TBC1D8: variants seen among roughly 807,000 people sequenced by gnomAD.
TBC1D8 encodes BUB2-like protein 1.
TBC1D8 carries 65 observed loss-of-function variants against 118.8 expected under a neutral mutation model. That is an observed-to-expected ratio of 0.55 (90% CI 0.45 to 0.67). The LOEUF (loss-of-function observed/expected upper bound fraction) is 0.67, where lower values mean the gene tolerates loss of function less well. TBC1D8 is among the 30% of genes least tolerant of loss of function. The pLI is 0.00. For synonymous variants in TBC1D8, 566 were observed against 595.8 expected, an observed-to-expected ratio of 0.95 and a Z score of 0.73; for missense variants, 1,376 against 1,471.2, an observed-to-expected ratio of 0.94 and a Z score of 1.06.
At chr2:101,023,437 C>T (rs746021498) in intron 15 of TBC1D8, among the ~76,000 whole-genome samples, 2 of 151,998 alleles carry the variant, frequency 1.3e-5, no homozygotes, top group African/African-American at 2.4e-5. Flanking sequence ...TGAGCCACTG[C>T]GACTGGCCCA....
At chr2:101,128,511 G>C (rs377558977) in intron 1 of TBC1D8, among the ~76,000 whole-genome samples, 2 of 152,162 alleles carry the variant, frequency 1.3e-5, no homozygotes, top group African/African-American at 4.8e-5. Context: ...GAGAGACAAA[G>C]AATCAGGTGC....
At chr2:101,081,083 A>G (rs546074843) in intron 2 of TBC1D8, among the ~76,000 whole-genome samples, 1 of 152,304 alleles carries the variant, frequency 6.6e-6, no homozygotes, top group African/African-American at 2.4e-5. Flanking sequence ...GCTATTCTCA[A>G]TTTTTTAAAA....
chr2:101,038,662 G>T lies in TBC1D8; in HGVS notation c.1081-7C>A. The T allele has an allele frequency of 6.2e-7, 1 of 1,613,588 alleles. No individual in the cohort carries two copies. The highest frequency in any genetic ancestry group is 8.5e-7 in the Non-Finnish European group (1 of 1,179,864). On this transcript the variant is annotated splice_region_variant and splice_polypyrimidine_tract_variant and intron_variant, in intron 6 of 19. Transcript: ENST00000409318. The stretch of plus-strand genomic sequence containing the variant: ...TCTTCTCGATGCTCACCACCTGCGC[G>T]AGAGGCAACATGCAGGGACAGAAGG...
chr2:101,053,073 G>C (rs1682171910), intron 4 of TBC1D8, among the ~76,000 whole-genome samples: 1 of 152,168 alleles, frequency 6.6e-6, no homozygotes, highest in Non-Finnish European at 1.5e-5. Flanking sequence ...TGACTTGCTG[G>C]GACCCAGCAT....
chr2:101,110,515 T>C (rs537572064), intron 1 of TBC1D8, among the ~76,000 whole-genome samples: 18 of 152,180 alleles, frequency 1.2e-4, no homozygotes, highest in African/African-American at 4.3e-4. Context: ...ACTGGAGTAA[T>C]AGAAGGACTT....
At chr2:101,059,211 C>CTTTTTTTT (rs142846099) in intron 3 of TBC1D8, among the ~76,000 whole-genome samples, 1 of 140,332 alleles carries the variant, frequency 7.1e-6, no homozygotes. Flanking sequence ...CCAGCCAAGT[C>CTTTTTTTT]TTTTTTTTTT....
At chr2:101,056,540 G>C (rs920830345) in intron 3 of TBC1D8, among the ~76,000 whole-genome samples, 4 of 152,210 alleles carry the variant, frequency 2.6e-5, no homozygotes, top group African/African-American at 9.7e-5. Flanking sequence ...GAAATTTCAA[G>C]TGATTTTTAT....
At chr2:101,033,428 G>T (rs767387477) in intron 10 of TBC1D8, 116 bp downstream of exon 10, 1 of 1,224,666 alleles carries the variant, frequency 8.2e-7, no homozygotes, top group South Asian at 1.3e-5. Context: ...CGAGTACAGC[G>T]CCTTCACACG....
chr2:101,078,879 T>C (rs1368990248), intron 2 of TBC1D8, among the ~76,000 whole-genome samples: 3 of 152,030 alleles, frequency 2.0e-5, no homozygotes, highest in East Asian at 1.9e-4. Context: ...TGAATTTCCT[T>C]ATTATTTTTT....
intron 15 of TBC1D8, among the ~76,000 whole-genome samples, chr2:101,025,082 A>G (rs1295426953): frequency 6.6e-6 from 1 of 152,084 alleles, no homozygotes; most frequent in Non-Finnish European, 1.5e-5. Context: ...AAAGAAAAGT[A>G]AGTGTGTGTG....
At chr2:101,085,118 T>A (rs1475982444) in intron 2 of TBC1D8, among the ~76,000 whole-genome samples, 2 of 152,114 alleles carry the variant, frequency 1.3e-5, no homozygotes, top group African/African-American at 4.8e-5. Context: ...CCCAAAGTGC[T>A]GGGATTACAG....
intron 1 of TBC1D8, among the ~76,000 whole-genome samples, chr2:101,099,411 A>G (rs1266396320): frequency 6.6e-6 from 1 of 152,212 alleles, no homozygotes; most frequent in Admixed American, 6.5e-5. Flanking sequence ...ATGGATTCAC[A>G]GCTGAATTCT....
At chr2:101,010,566 T>G (rs532325944) in intron 19 of TBC1D8, among the ~76,000 whole-genome samples, 3 of 152,100 alleles carry the variant, frequency 2.0e-5, no homozygotes, top group Non-Finnish European at 4.4e-5. Context: ...CCAAGCTTGA[T>G]TCTCAGATTA....
At chr2:101,032,211 G>T in intron 11 of TBC1D8, 57 bp downstream of exon 11, 2 of 1,486,304 alleles carry the variant, frequency 1.3e-6, no homozygotes, top group South Asian at 1.2e-5. Flanking sequence ...GAAACATCCT[G>T]CCCAGGCTCT....
intron 5 of TBC1D8, among the ~76,000 whole-genome samples, chr2:101,045,382 A>G (rs1210984307): frequency 6.6e-6 from 1 of 152,198 alleles, no homozygotes; most frequent in East Asian, 1.9e-4. Context: ...TGCTTTGGGA[A>G]GAACCCTGTC....
chr2:101,121,576 G>A (rs970451718), intron 1 of TBC1D8, among the ~76,000 whole-genome samples: 3 of 152,206 alleles, frequency 2.0e-5, no homozygotes, highest in Admixed American at 2.0e-4. Context: ...GCTCTCTGAG[G>A]TCTCATTTGT....
At chr2:101,080,551 C>T (rs1558683588) in intron 2 of TBC1D8, among the ~76,000 whole-genome samples, 1 of 152,116 alleles carries the variant, frequency 6.6e-6, no homozygotes, top group Non-Finnish European at 1.5e-5. Flanking sequence ...AGAGAATGTG[C>T]GTCAGAAAGA....
At chr2:101,097,003 T>C (rs1424488226) in intron 1 of TBC1D8, among the ~76,000 whole-genome samples, 2 of 151,300 alleles carry the variant, frequency 1.3e-5, no homozygotes, top group Non-Finnish European at 2.9e-5. Flanking sequence ...CTAAGCAAAA[T>C]AAATGTCAAA....
In TBC1D8 at chr2:101,100,940, A is replaced by T. The variant is rs1169155960; in HGVS notation, c.128-10576T>A. Among the ~76,000 whole-genome samples the T allele has an allele frequency of 3.5e-4, 53 of 152,126 alleles. 1 individual carries two copies. ...AAATGTAAAACCCAAAACCATAAAAACCCTACAAGAAAACCTAGGCAATAC... is the reference window on the plus strand; with the variant it reads ...AAATGTAAAACCCAAAACCATAAAATCCCTACAAGAAAACCTAGGCAATAC... On this transcript the variant is annotated intron_variant, in intron 1 of 19. Transcript: ENST00000409318.
Sources: gnomAD v4.1 joint callset for allele counts (sites outside exome capture counted in the v4.1 genomes callset) on GRCh38, gnomAD v4.1.1 for gene constraint, MANE v1.5 for transcripts, NCBI Gene and HGNC (gene_info 2026-07-23, HGNC 2026-07-21) for gene names.